Variants in ARID1B observed in about 807,000 individuals in gnomAD.
ARID1B encodes AT-rich interactive domain-containing protein 1B.
ARID1B carries 30 observed loss-of-function variants against 212.3 expected under a neutral mutation model. The observed-to-expected ratio is 0.14, with a 90% CI of 0.11 to 0.19. The LOEUF is 0.19. Ranked by LOEUF, ARID1B falls within the 10% of genes least tolerant of loss-of-function variation. ARID1B has a pLI of 1.00. For synonymous variants in ARID1B, 1,402 were observed against 1,301.7 expected (o/e 1.08, Z -1.66); for missense variants, 2,891 against 3,204.0 (o/e 0.90, Z 2.36).
intron 4 of ARID1B, among the ~76,000 whole-genome samples, chr6:157,050,876 C>T (rs963289003): frequency 1.3e-5 from 2 of 152,146 alleles, no homozygotes; most frequent in Admixed American, 1.3e-4. Flanking sequence ...TTAAATATTT[C>T]CCATTCACAC....
intron 1 of ARID1B, among the ~76,000 whole-genome samples, chr6:156,820,881 A>T (rs1175468385): frequency 2.0e-5 from 3 of 152,222 alleles, no homozygotes; most frequent in Non-Finnish European, 4.4e-5. Context: ...TTTCCTGGGA[A>T]CCAGTGGAAA....
chr6:157,101,361 T>G (rs1786038647), intron 5 of ARID1B, among the ~76,000 whole-genome samples: 1 of 152,214 alleles, frequency 6.6e-6, no homozygotes. Context: ...TCCTCATTTC[T>G]TCTCAGAATT....
intron 2 of ARID1B, among the ~76,000 whole-genome samples, chr6:156,882,165 C>A (rs555987600): frequency 6.6e-6 from 1 of 152,106 alleles, no homozygotes; most frequent in Non-Finnish European, 1.5e-5. Context: ...ATCTTACTCT[C>A]GTTTCTCTTC....
chr6:157,004,895 T>C (rs1562542200), intron 4 of ARID1B, among the ~76,000 whole-genome samples: 1 of 30,196 alleles, frequency 3.3e-5, no homozygotes, highest in Non-Finnish European at 6.1e-5. Flanking sequence ...TTCTTCTTTT[T>C]TCTTTTTTTT....
intron 4 of ARID1B, among the ~76,000 whole-genome samples, chr6:156,953,054 C>T (rs976369314): frequency 5.3e-5 from 8 of 152,290 alleles, no homozygotes; most frequent in South Asian, 2.1e-4. Context: ...TGGTCAACTG[C>T]GTAATTGTGA....
In ARID1B at chr6:156,778,598, C is replaced by T. The variant is rs2114979765; in HGVS notation, c.918C>T (p.Gly306=). Residue 306 remains glycine, a synonymous_variant, in exon 1 of 20, where the codon GGC becomes GGT. Coordinates refer to ENST00000636930, the MANE Select transcript of ARID1B (RefSeq NM_001374828.1). ...TCGCCGTGCCCGGGGGCGGCGGCGG[C>T]CCGGCGGCCGTCCCGGAGTTTAATA... ...PPVAVPGGGG[G]PAAVPEFNNY... 7.7e-7 allele frequency: 1 copy of T among 1,296,500 alleles called. No individual in the cohort carries two copies. Among genetic ancestry groups the T allele is most frequent in the Non-Finnish European group, 9.8e-7 (1 of 1,024,110 alleles). 80.3% of individuals were successfully genotyped at this position (1,296,500 alleles called of 1,614,324 possible).
In ARID1B at chr6:156,795,309, A is replaced by ATCAT. The variant is rs1780287284; in HGVS notation, c.1791+15838_1791+15839insTCAT. On this transcript the variant is annotated intron_variant, in intron 1 of 19. Transcript: ENST00000636930. ...GGGTTTACGAGTCCAGAAATCCATG[A>ATCAT]GTCCGAGGAAGTGGGAAGAGAGAAT... 3.3e-5 allele frequency among the ~76,000 whole-genome samples: 5 copies of ATCAT among 152,250 alleles called. 1 individual carries two copies. The Middle Eastern group carries it at 0.017, about 518-fold the overall frequency.
At chr6:157,186,634 A>G (rs1792996848) in intron 13 of ARID1B, 1 of 419,730 alleles carries the variant, frequency 2.4e-6, no homozygotes. Flanking sequence ...GCCATGTTAG[A>G]GTCTCATTTA....
At chr6:157,107,386 G>C (rs1786570703) in intron 5 of ARID1B, among the ~76,000 whole-genome samples, 1 of 152,106 alleles carries the variant, frequency 6.6e-6, no homozygotes. Flanking sequence ...TAACATTGGA[G>C]GAGGTGGGCT....
intron 5 of ARID1B, among the ~76,000 whole-genome samples, chr6:157,103,646 T>C (rs544288462): frequency 2.6e-5 from 4 of 152,316 alleles, no homozygotes; most frequent in African/African-American, 9.6e-5. Flanking sequence ...GAATATTTAA[T>C]TTGGTACTTA....
At chr6:156,793,345 G>A (rs1780140738) in intron 1 of ARID1B, among the ~76,000 whole-genome samples, 1 of 152,098 alleles carries the variant, frequency 6.6e-6, no homozygotes, top group African/African-American at 2.4e-5. Flanking sequence ...AGCATTGTGG[G>A]ATTTTTTTTC....
At chr6:157,159,199 A>G (rs112555727) in intron 8 of ARID1B, among the ~76,000 whole-genome samples, 3,393 of 152,362 alleles carry the variant, frequency 0.022, 59 homozygotes, top group Middle Eastern at 0.058. Context: ...ATTGAGGTTC[A>G]TTTTTGTATG....
intron 6 of ARID1B, among the ~76,000 whole-genome samples, chr6:157,120,623 G>A (rs1252583644): frequency 6.6e-6 from 1 of 152,192 alleles, no homozygotes; most frequent in Non-Finnish European, 1.5e-5. Context: ...ACCTATTTGT[G>A]AAGAGAAATG....
intron 4 of ARID1B, among the ~76,000 whole-genome samples, chr6:157,063,771 G>T (rs1041923522): frequency 3.9e-5 from 6 of 152,198 alleles, no homozygotes; most frequent in Non-Finnish European, 8.8e-5. Flanking sequence ...TGTTATCTGG[G>T]AGGGTTTTAG....
chr6:157,122,971 C>T (rs533291786), intron 6 of ARID1B, among the ~76,000 whole-genome samples: 21 of 152,126 alleles, frequency 1.4e-4, no homozygotes, highest in African/African-American at 1.7e-4. Context: ...CATGAGCCAC[C>T]GTGCCCGGCC....
intron 8 of ARID1B, among the ~76,000 whole-genome samples, chr6:157,157,530 C>T (rs924455808): frequency 6.6e-6 from 1 of 152,126 alleles, no homozygotes; most frequent in Non-Finnish European, 1.5e-5. Context: ...CTGAAGGCAG[C>T]AGGAAGTTTG....
chr6:156,828,240 G>A (rs934642848), intron 1 of ARID1B, among the ~76,000 whole-genome samples: 2 of 151,944 alleles, frequency 1.3e-5, no homozygotes, highest in African/African-American at 4.8e-5. Flanking sequence ...TTTTTAATTT[G>A]TTGTAGAGAC....
chr6:157,112,822 A>G (rs1787018587), intron 6 of ARID1B, among the ~76,000 whole-genome samples: 1 of 152,044 alleles, frequency 6.6e-6, no homozygotes, highest in African/African-American at 2.4e-5. Flanking sequence ...CCATGTTAAT[A>G]TGATTATTGT....
chr6:157,178,112 A>C (rs758611525), intron 11 of ARID1B, among the ~76,000 whole-genome samples: 8 of 152,006 alleles, frequency 5.3e-5, no homozygotes, highest in Admixed American at 1.3e-4. Context: ...AGCGGACGCA[A>C]CCTCTTGCTC....
Sources: gnomAD v4.1 joint callset for allele counts (sites outside exome capture counted in the v4.1 genomes callset) on GRCh38, gnomAD v4.1.1 for gene constraint, MANE v1.5 for transcripts, NCBI Gene and HGNC (gene_info 2026-07-23, HGNC 2026-07-21) for gene names.